Variants in PTPRD observed in about 807,000 individuals in gnomAD.
The protein encoded by PTPRD is receptor-type tyrosine-protein phosphatase delta.
A neutral mutation model predicts 214.5 loss-of-function variants in PTPRD; 34 were observed. The observed-to-expected ratio is 0.16, with a 90% CI of 0.12 to 0.21. The LOEUF is 0.21. PTPRD is among the 10% of genes least tolerant of loss of function. The probability of loss-of-function intolerance (pLI) is 1.00; values close to 1 mark genes in which losing one functional copy is unlikely to be tolerated. For synonymous variants in PTPRD, 1,128 were observed against 845.7 expected (o/e 1.33, Z -5.79); for missense variants, 2,545 against 2,398.7 (o/e 1.06, Z -1.27).
intron 9 of PTPRD, among the ~76,000 whole-genome samples, chr9:9,357,700 A>T (rs994601947): frequency 2.1e-5 from 3 of 142,008 alleles, no homozygotes; most frequent in East Asian, 4.2e-4. Context: ...TGTGCTGCTC[A>T]ATAGTTTTTA....
intron 11 of PTPRD, among the ~76,000 whole-genome samples, chr9:9,011,825 T>C (rs946592398): frequency 6.6e-6 from 1 of 152,194 alleles, no homozygotes; most frequent in Non-Finnish European, 1.5e-5. Context: ...TGATGGTATC[T>C]GTTGTGGCAA....
At position 8,389,221 on chromosome 9, in the gene PTPRD, C is replaced by T. The variant is rs1016037540; in HGVS notation, c.4386+11G>A. 3 of 1,598,430 alleles carry T rather than the reference C, an allele frequency of 1.9e-6. No individual in the cohort carries two copies. Among genetic ancestry groups the T allele is most frequent in the African/African-American group, 1.3e-5 (1 of 74,078 alleles). ...ATTTTTAAAAGGAAAGAGGTGGATA[C>T]TTATTCTTACCCTTGATCTTTCTTC... On this transcript the variant is annotated intron_variant, in intron 37 of 45. Transcript: ENST00000381196.
chr9:10,087,594 G>T (rs1426741077), intron 3 of PTPRD, among the ~76,000 whole-genome samples: 1 of 151,604 alleles, frequency 6.6e-6, no homozygotes, highest in East Asian at 2.0e-4. Context: ...TATAATAACT[G>T]ATCTTCCGGA....
At chr9:9,831,437 A>G (rs2153604505) in intron 5 of PTPRD, among the ~76,000 whole-genome samples, 1 of 152,132 alleles carries the variant, frequency 6.6e-6, no homozygotes, top group Non-Finnish European at 1.5e-5. Context: ...GGAAAGAGTT[A>G]TACCCTGAAA....
At chr9:8,784,786 C>G (rs903546807) in intron 11 of PTPRD, among the ~76,000 whole-genome samples, 15 of 152,242 alleles carry the variant, frequency 9.9e-5, no homozygotes, top group African/African-American at 3.4e-4. Context: ...CCAAAAATGT[C>G]TGCTACTAAA....
chr9:9,374,192 A>G (rs937182093), intron 9 of PTPRD, among the ~76,000 whole-genome samples: 1 of 152,092 alleles, frequency 6.6e-6, no homozygotes, highest in Non-Finnish European at 1.5e-5. Context: ...CATCATATAT[A>G]TAAAATGATA....
At chr9:8,599,805 C>T (rs140813667) in intron 14 of PTPRD, among the ~76,000 whole-genome samples, 13,074 of 151,676 alleles carry the variant, frequency 0.086, 701 homozygotes, top group South Asian at 0.12. Context: ...TTAGTAGAGA[C>T]GGGGCTTCTC....
chr9:8,648,180 G>A (rs1179783424), intron 12 of PTPRD, among the ~76,000 whole-genome samples: 1 of 152,160 alleles, frequency 6.6e-6, no homozygotes, highest in Non-Finnish European at 1.5e-5. Flanking sequence ...CATAATTCAA[G>A]GTATAATAAT....
chr9:8,613,766 C>T (rs959344814), intron 14 of PTPRD, among the ~76,000 whole-genome samples: 2 of 152,094 alleles, frequency 1.3e-5, no homozygotes, highest in African/African-American at 2.4e-5. Context: ...CATGACAGTC[C>T]ACAGAGGCAA....
chr9:9,965,615 T>G (rs1486539934), intron 4 of PTPRD, among the ~76,000 whole-genome samples: 1 of 152,204 alleles, frequency 6.6e-6, no homozygotes, highest in Non-Finnish European at 1.5e-5. Flanking sequence ...TACCTACTCC[T>G]TCTTTTCTCC....
At chr9:8,604,843 T>C (rs72698211) in intron 14 of PTPRD, among the ~76,000 whole-genome samples, 20,578 of 151,932 alleles carry the variant, frequency 0.14, 1,510 homozygotes, top group South Asian at 0.21. Context: ...ATATAGAAAA[T>C]GGGAGAGAAA....
At chr9:10,215,195 T>G (rs1466073040) in intron 3 of PTPRD, among the ~76,000 whole-genome samples, 1 of 149,224 alleles carries the variant, frequency 6.7e-6, no homozygotes, top group African/African-American at 2.5e-5. Flanking sequence ...GTCAGAAAAA[T>G]AAAACATTAA....
At chr9:9,005,077 G>C (rs975489972) in intron 11 of PTPRD, among the ~76,000 whole-genome samples, 2 of 151,994 alleles carry the variant, frequency 1.3e-5, no homozygotes, top group African/African-American at 4.8e-5. Context: ...ATTTTGAATG[G>C]ACCTTCAGGG....
chr9:8,394,938 C>G (rs1500333), intron 36 of PTPRD, among the ~76,000 whole-genome samples: 88,890 of 151,768 alleles, frequency 0.59, 28,063 homozygotes, highest in African/African-American at 0.83. Flanking sequence ...TGGACTTTAG[C>G]GGGTGATAAT....
At chr9:10,501,864 T>A (rs1360552711) in intron 2 of PTPRD, among the ~76,000 whole-genome samples, 1 of 151,956 alleles carries the variant, frequency 6.6e-6, no homozygotes. Context: ...GGAAGCACAT[T>A]AGAATCACAC....
At chr9:10,028,116 A>G (rs578071592) in intron 4 of PTPRD, among the ~76,000 whole-genome samples, 3 of 152,218 alleles carry the variant, frequency 2.0e-5, no homozygotes, top group South Asian at 2.1e-4. Flanking sequence ...TGTTCTTATG[A>G]TTGTGATAAG....
At chr9:10,248,807 C>T (rs746059963) in intron 3 of PTPRD, among the ~76,000 whole-genome samples, 9 of 151,820 alleles carry the variant, frequency 5.9e-5, no homozygotes, top group Non-Finnish European at 1.2e-4. Context: ...GTGTCATCCA[C>T]TGGGAATAAA....
At chr9:9,860,856 G>C (rs2062582731) in intron 5 of PTPRD, among the ~76,000 whole-genome samples, 1 of 152,118 alleles carries the variant, frequency 6.6e-6, no homozygotes, top group African/African-American at 2.4e-5. Flanking sequence ...TGTTGGTTTT[G>C]TTGTTTTCTT....
intron 8 of PTPRD, among the ~76,000 whole-genome samples, chr9:9,474,603 C>G (rs1230863370): frequency 6.6e-6 from 1 of 151,942 alleles, no homozygotes; most frequent in African/African-American, 2.4e-5. Context: ...TGTTTGTGTT[C>G]TCTTCAATTT....
Sources: gnomAD v4.1 joint callset for allele counts (sites outside exome capture counted in the v4.1 genomes callset) on GRCh38, gnomAD v4.1.1 for gene constraint, MANE v1.5 for transcripts, NCBI Gene and HGNC (gene_info 2026-07-23, HGNC 2026-07-21) for gene names.